The following DYRK1A variants were observed in gnomAD, a reference collection of about 807,000 sequenced individuals.
DYRK1A encodes dual specificity tyrosine-phosphorylation-regulated kinase 1A.
Under a neutral mutation model 79.7 loss-of-function variants are expected in DYRK1A, and 9 were observed. The observed-to-expected ratio is 0.11, with a 90% CI of 0.07 to 0.20. The LOEUF (loss-of-function observed/expected upper bound fraction) is 0.20, where lower values mean the gene tolerates loss of function less well. Ranked by LOEUF, DYRK1A falls within the 10% of genes least tolerant of loss-of-function variation. DYRK1A has a pLI of 1.00. For synonymous variants in DYRK1A, 349 were observed against 329.7 expected (o/e 1.06, Z -0.63); for missense variants, 622 against 956.0 (o/e 0.65, Z 4.61).
rs1601351712 is a variant in DYRK1A, at chr21:37,525,360, G to C, written c.*12829G>C. The C allele has an allele frequency of 6.6e-6, 1 of 152,254 alleles. No homozygotes were observed. The highest frequency in any genetic ancestry group is 1.9e-4 in the East Asian group (1 of 5,200). The allele number at this position is 152,254 out of a possible 1,614,324, so 9.4% of individuals were successfully genotyped here. On this transcript the variant is annotated 3_prime_UTR_variant, in exon 12 of 12. Transcript: ENST00000647188. The stretch of plus-strand genomic sequence containing the variant: ...GTCTTAGGTGGCGGCAAGCAAGAGA[G>C]TGTGTGCAGGGGAACTGCCCTTTAT...
intron 2 of DYRK1A, among the ~76,000 whole-genome samples, chr21:37,435,545 A>G (rs573396216): frequency 6.6e-6 from 1 of 152,360 alleles, no homozygotes; most frequent in African/African-American, 2.4e-5. Context: ...ATTAAGTTGT[A>G]TGAAATCTTA....
chr21:37,424,866 G>A (rs2050573871), intron 2 of DYRK1A, among the ~76,000 whole-genome samples: 1 of 152,070 alleles, frequency 6.6e-6, no homozygotes, highest in Non-Finnish European at 1.5e-5. Context: ...TTGGTAATAT[G>A]TACCACTCTG....
rs192640126 is a variant in DYRK1A, at chr21:37,424,527, A to G, written c.10+4143A>G. Among the ~76,000 whole-genome samples, 35 of 152,254 alleles carry G rather than the reference A, an allele frequency of 2.3e-4. No individual in the cohort carries two copies. In the East Asian group the frequency reaches 6.4e-3, roughly 28 times the overall value. ...AGGATGATGTGGTTGGGTAAGATCC[A>G]TTTTATACTCGTGTTGACTAACATA... On this transcript the variant is annotated intron_variant, in intron 2 of 11. Transcript: ENST00000647188.
chr21:37,397,133 A>G (rs2049971975), intron 1 of DYRK1A, among the ~76,000 whole-genome samples: 1 of 152,184 alleles, frequency 6.6e-6, no homozygotes, highest in Non-Finnish European at 1.5e-5. Context: ...TTTCCATGCG[A>G]ACTTAGCCAC....
chr21:37,417,868 G>A (rs2050388001), intron 1 of DYRK1A, among the ~76,000 whole-genome samples: 1 of 151,956 alleles, frequency 6.6e-6, no homozygotes, highest in South Asian at 2.1e-4. Flanking sequence ...AAGATTTGAG[G>A]GTCATGAGAG....
rs1250195105 is a variant in DYRK1A at position 37,506,477 on chromosome 21, C to T, written c.1644+254C>T. ...AACAGTTTTTTTCCTGTGTTTATCT[C>T]ATTTACCAAAGCAGCGTTTTGAGCC... On this transcript the variant is annotated intron_variant, in intron 11 of 11. Transcript: ENST00000647188. The T allele has an allele frequency of 8.0e-6, 9 of 1,124,114 alleles. No individual in the cohort carries two copies. In the African/African-American group the frequency reaches 1.3e-4, roughly 16 times the overall value. 69.6% of individuals were successfully genotyped at this position (1,124,114 alleles called of 1,614,324 possible). A position where few individuals can be genotyped will look rare whatever the true frequency, so the allele number is the denominator to read the frequency against.
chr21:37,451,825 T>G (rs1253656432), intron 2 of DYRK1A, among the ~76,000 whole-genome samples: 10 of 152,198 alleles, frequency 6.6e-5, no homozygotes, highest in African/African-American at 2.4e-4. Context: ...GGGGACCAGT[T>G]CCCTGTAAGA....
chr21:37,366,172 G>C (rs966634586), upstream of DYRK1A: 2 of 151,270 alleles, frequency 1.3e-5, no homozygotes, highest in African/African-American at 4.8e-5. Flanking sequence ...GGCGAGCGCG[G>C]CGCCCGGACC....
chr21:37,382,533 A>G (rs1009136428), intron 1 of DYRK1A, among the ~76,000 whole-genome samples: 1 of 152,218 alleles, frequency 6.6e-6, no homozygotes, highest in Non-Finnish European at 1.5e-5. Flanking sequence ...TTCTGGTAAC[A>G]TAGGGAGTGT....
intron 1 of DYRK1A, among the ~76,000 whole-genome samples, chr21:37,389,736 C>T (rs1236356254): frequency 1.3e-5 from 2 of 151,168 alleles, no homozygotes; most frequent in Non-Finnish European, 3.0e-5. Context: ...GCTTAGTAGG[C>T]GGATTGGTGG....
upstream of DYRK1A, among the ~76,000 whole-genome samples, chr21:37,366,415 G>A (rs2049305376): frequency 1.4e-5 from 2 of 146,088 alleles, no homozygotes; most frequent in South Asian, 2.1e-4. Flanking sequence ...GGCGCGGGGC[G>A]GGGCGGGGCG....
chr21:37,483,750 TTTG>T (rs1318101007), intron 5 of DYRK1A, among the ~76,000 whole-genome samples: 4 of 151,896 alleles, frequency 2.6e-5, no homozygotes, highest in African/African-American at 9.7e-5. Flanking sequence ...GCCTGGCTAA[TTTG>T]TTGTTTTTTT....
intron 4 of DYRK1A, among the ~76,000 whole-genome samples, chr21:37,478,544 TTTC>T (rs2052485448): frequency 6.6e-6 from 1 of 152,130 alleles, no homozygotes; most frequent in Admixed American, 6.6e-5. Context: ...TATACTGTTA[TTTC>T]TTTTTTTAAT....
Position 37,512,369 on chromosome 21 carries a change from A to G in DYRK1A, c.2103A>G (p.Gln701=), listed in dbSNP as rs991343149. The G allele has an allele frequency of 5.6e-6, 9 of 1,614,238 alleles. No individual in the cohort carries two copies. The highest frequency in any genetic ancestry group is 7.6e-6 in the Non-Finnish European group (9 of 1,180,038). The change falls in exon 12 of 12, where the codon CAA becomes CAG. Residue 701 remains glutamine, a synonymous_variant. Coordinates refer to ENST00000647188, the MANE Select transcript of DYRK1A (RefSeq NM_001347721.2). ...VNLTVYSNPR[Q]ETGIAGHPTY... The stretch of plus-strand genomic sequence containing the variant: ...TGACCGTCTACTCCAATCCCCGCCA[A>G]GAGACTGGCATAGCTGGACATCCAA...
chr21:37,368,575 G>A (rs2049365301), intron 1 of DYRK1A, among the ~76,000 whole-genome samples: 1 of 152,220 alleles, frequency 6.6e-6, no homozygotes, highest in East Asian at 1.9e-4. Context: ...CAAATTGTCA[G>A]AAAATACGCC....
rs1199318887 is a variant in DYRK1A, at chr21:37,505,604, G to A, written c.1519+15G>A. The A allele has an allele frequency of 8.3e-6, 13 of 1,569,218 alleles. No individual in the cohort carries two copies. The highest frequency in any genetic ancestry group is 2.3e-5 in the South Asian group (2 of 86,442). ...GTCAAGCTCAGGTCTGTGCTGCTGC[G>A]GTTAGATTAGGCTTGGGAATGTTTT... On this transcript the variant is annotated intron_variant, in intron 10 of 11. Transcript: ENST00000647188.
At chr21:37,369,390 A>G (rs891337350) in intron 1 of DYRK1A, among the ~76,000 whole-genome samples, 2 of 152,230 alleles carry the variant, frequency 1.3e-5, no homozygotes, top group Non-Finnish European at 2.9e-5. Flanking sequence ...GAAACTGGTT[A>G]TGAAAAAAGC....
At chr21:37,477,242 C>T (rs750226376) in intron 3 of DYRK1A, among the ~76,000 whole-genome samples, 3 of 152,212 alleles carry the variant, frequency 2.0e-5, no homozygotes, top group Non-Finnish European at 4.4e-5. Flanking sequence ...TCTTCTGGCT[C>T]ATTTCCCAGC....
chr21:37,391,706 G>A (rs2049873434), intron 1 of DYRK1A, among the ~76,000 whole-genome samples: 1 of 152,144 alleles, frequency 6.6e-6, no homozygotes, highest in African/African-American at 2.4e-5. Context: ...AAACTATTCA[G>A]ATTCTCTTGA....
Sources: allele counts gnomAD v4.1 joint callset (sites outside exome capture counted in the v4.1 genomes callset), GRCh38; gene constraint gnomAD v4.1.1; transcripts MANE v1.5; gene names NCBI Gene and HGNC (gene_info 2026-07-23, HGNC 2026-07-21).